PTPRT: variants seen among roughly 807,000 people sequenced by gnomAD.
PTPRT encodes receptor-type tyrosine-protein phosphatase T.
Under a neutral mutation model 176.8 loss-of-function variants are expected in PTPRT, and 56 were observed. That is an observed-to-expected ratio of 0.32 (90% CI 0.26 to 0.40). The LOEUF is 0.40. PTPRT is among the 10% of genes least tolerant of loss of function. The pLI, the probability that PTPRT is intolerant of heterozygous loss-of-function variation, is 1.00. For missense variants in PTPRT, 1,540 were observed against 1,908.2 expected (o/e 0.81, Z 3.60); for synonymous variants, 783 against 739.0 (o/e 1.06, Z -0.96).
At position 42,141,924 on chromosome 20, in the gene PTPRT, T is replaced by C. The variant is rs1164669135; in HGVS notation, c.2761A>G (p.Ile921Val). 6.2e-7 allele frequency: 1 copy of C among 1,613,624 alleles called. No individual in the cohort carries two copies. The highest frequency in any genetic ancestry group is 1.7e-5 in the Admixed American group (1 of 60,024). ...ENRNKNRYGN[I>V]ISYDHSRVRL... ...CCAGAAGGGCACCTACAGGATATGA[T>C]GTTCCCATATCGATTCTTATTGCGG... The change falls in exon 18 of 31, where the codon ATC becomes GTC. Residue 921 changes from isoleucine to valine, a missense_variant. Ile to Val is a conservative substitution (Grantham distance 29). Around this residue, in one of 11 missense-constraint regions of PTPRT, gnomAD observed 248 missense variants for 356.7 expected, o/e 0.70. Coordinates refer to ENST00000373187, the MANE Select transcript of PTPRT (RefSeq NM_007050.6).
chr20:42,188,250 T>C (rs1990858877), intron 16 of PTPRT, among the ~76,000 whole-genome samples: 1 of 152,096 alleles, frequency 6.6e-6, no homozygotes, highest in Admixed American at 6.5e-5. Flanking sequence ...GACACTTCAA[T>C]GATTAGAGGT....
chr20:42,268,248 C>T (rs182171228), intron 13 of PTPRT, among the ~76,000 whole-genome samples: 7 of 152,226 alleles, frequency 4.6e-5, no homozygotes, highest in East Asian at 3.9e-4. Flanking sequence ...GGTTGAGAAA[C>T]GTGTGGAAAT....
At chr20:42,656,843 C>G (rs946481969) in intron 7 of PTPRT, among the ~76,000 whole-genome samples, 9 of 152,112 alleles carry the variant, frequency 5.9e-5, no homozygotes, top group African/African-American at 2.2e-4. Context: ...CTCTCTCACC[C>G]CCTTTTCACC....
chr20:43,074,814 A>G (rs913210130), intron 1 of PTPRT, among the ~76,000 whole-genome samples: 13 of 152,310 alleles, frequency 8.5e-5, no homozygotes, highest in African/African-American at 3.1e-4. Context: ...AAACACCACA[A>G]TGTTAAGACC....
chr20:42,239,711 C>T (rs540746144), intron 14 of PTPRT, among the ~76,000 whole-genome samples: 264 of 152,206 alleles, frequency 1.7e-3, no homozygotes, highest in Non-Finnish European at 3.5e-3. Flanking sequence ...CATGAACCGC[C>T]GTGCCCAGCC....
intron 6 of PTPRT, among the ~76,000 whole-genome samples, chr20:42,698,161 C>A (rs1324902711): frequency 6.6e-6 from 1 of 152,112 alleles, no homozygotes; most frequent in East Asian, 1.9e-4. Flanking sequence ...AGTTGGAAAC[C>A]CAACAAGGTT....
rs879114332 is a variant in PTPRT, at chr20:42,472,529, A to G, written c.1187T>C (p.Val396Ala). The G allele has an allele frequency of 3.7e-6, 6 of 1,614,028 alleles. No individual in the cohort carries two copies. In the South Asian group the frequency reaches 4.4e-5, roughly 12 times the overall value. Residue 396 changes from valine to alanine, a missense_variant, in exon 8 of 31, where the codon GTA (valine) becomes GCA (alanine). Around this residue, in one of 11 missense-constraint regions of PTPRT, gnomAD observed 273 missense variants for 432.1 expected, o/e 0.63. Coordinates refer to ENST00000373187, the MANE Select transcript of PTPRT (RefSeq NM_007050.6). ...GGTCAGCTGCCGGGCTCTGATGTCT[A>G]CGATTTCCACGTTCTGTGGGCCATG... is the stretch of plus-strand genomic sequence containing the variant. ...PVHGPQNVEI[V>A]DIRARQLTLQ...
Position 42,573,745 on chromosome 20 carries a change from C to CTTTTTTTTTTTTTT in PTPRT, c.1154-101184_1154-101183insAAAAAAAAAAAAAA, listed in dbSNP as rs201228742. ...AAATGGCAAGACGGACCCTTTCTTTCTTTCTTTTTTTTTTTTTTTTTGAGA... is the reference window on the plus strand; with the variant it reads ...AAATGGCAAGACGGACCCTTTCTTTCTTTTTTTTTTTTTTTTTCTTTTTTTTTTTTTTTTTGAGA... On this transcript the variant is annotated intron_variant, in intron 7 of 30. Coordinates refer to ENST00000373187, the MANE Select transcript of PTPRT (RefSeq NM_007050.6). Among the ~76,000 whole-genome samples, 103 of 115,472 alleles carry CTTTTTTTTTTTTTT rather than the reference C, an allele frequency of 8.9e-4. 8 individuals carry two copies. The highest frequency in any genetic ancestry group is 1.0e-3 in the Non-Finnish European group (62 of 59,106). 75.8% of individuals were successfully genotyped at this position (115,472 alleles called of 152,430 possible).
At chr20:42,962,273 A>C (rs1052621592) in intron 1 of PTPRT, among the ~76,000 whole-genome samples, 1 of 152,226 alleles carries the variant, frequency 6.6e-6, no homozygotes, top group Admixed American at 6.5e-5. Context: ...CAACATAATA[A>C]ATGCAGAATT....
At chr20:42,192,491 A>G (rs1340829990) in intron 16 of PTPRT, among the ~76,000 whole-genome samples, 1 of 152,202 alleles carries the variant, frequency 6.6e-6, no homozygotes, top group Non-Finnish European at 1.5e-5. Flanking sequence ...ACTGCCCACA[A>G]AGAAACCCTT....
chr20:42,944,351 C>G (rs181711481), intron 1 of PTPRT, among the ~76,000 whole-genome samples: 1 of 152,200 alleles, frequency 6.6e-6, no homozygotes, highest in Non-Finnish European at 1.5e-5. Flanking sequence ...ATCCCACTCA[C>G]GAAGCTCTCC....
intron 7 of PTPRT, among the ~76,000 whole-genome samples, chr20:42,665,056 A>G (rs1445271192): frequency 1.3e-5 from 2 of 152,164 alleles, no homozygotes; most frequent in African/African-American, 2.4e-5. Context: ...CTTCATGTCT[A>G]AAACACCAAA....
At chr20:43,147,207 T>C (rs1478881439) in intron 1 of PTPRT, among the ~76,000 whole-genome samples, 2 of 152,134 alleles carry the variant, frequency 1.3e-5, no homozygotes, top group Admixed American at 1.3e-4. Flanking sequence ...AACTGTGTCC[T>C]CCTATGTGCC....
chr20:42,692,818 T>A (rs1044538464), intron 6 of PTPRT, among the ~76,000 whole-genome samples: 1 of 152,052 alleles, frequency 6.6e-6, no homozygotes, highest in Non-Finnish European at 1.5e-5. Flanking sequence ...AGATTAAATA[T>A]AAACAATTAT....
chr20:42,546,612 G>C (rs1294464610), intron 7 of PTPRT, among the ~76,000 whole-genome samples: 2 of 152,120 alleles, frequency 1.3e-5, no homozygotes, highest in Non-Finnish European at 2.9e-5. Flanking sequence ...GTCTGTCTTG[G>C]CTTTCAGCAT....
At chr20:42,560,198 A>G (rs1238736968) in intron 7 of PTPRT, among the ~76,000 whole-genome samples, 1 of 152,190 alleles carries the variant, frequency 6.6e-6, no homozygotes, top group Non-Finnish European at 1.5e-5. Flanking sequence ...CGACTTCTAC[A>G]GGTTGCCTCA....
intron 1 of PTPRT, among the ~76,000 whole-genome samples, chr20:43,030,261 T>C (rs1298048227): frequency 2.0e-5 from 3 of 152,216 alleles, no homozygotes; most frequent in African/African-American, 4.8e-5. Flanking sequence ...TGATACATTG[T>C]GGCAAGTTTT....
intron 6 of PTPRT, among the ~76,000 whole-genome samples, chr20:42,756,093 C>T (rs2076827961): frequency 6.6e-6 from 1 of 152,062 alleles, no homozygotes; most frequent in Non-Finnish European, 1.5e-5. Flanking sequence ...AAAAAAAATC[C>T]CTCAGAAACA....
Position 43,175,515 on chromosome 20 carries a change from T to A in PTPRT, c.88+14131A>T, listed in dbSNP as rs370323871. ...TGGAGCTGTGACTGTGCCACTGCAC[T>A]CCAGCCGGGCAACAGAACAAGACTC... On this transcript the variant is annotated intron_variant, in intron 1 of 30. Coordinates refer to ENST00000373187, the MANE Select transcript of PTPRT (RefSeq NM_007050.6). 5.3e-5 allele frequency among the ~76,000 whole-genome samples: 8 copies of A among 152,146 alleles called. No homozygotes were observed. The East Asian group carries it at 5.8e-4, about 11-fold the overall frequency.
Sources: gnomAD v4.1 joint callset for allele counts (sites outside exome capture counted in the v4.1 genomes callset) on GRCh38, gnomAD v4.1.1 for gene constraint, gnomAD v4.1.1 regional missense constraint, MANE v1.5 for transcripts, NCBI Gene and HGNC (gene_info 2026-07-23, HGNC 2026-07-21) for gene names.